IFT88: variants seen among roughly 807,000 people sequenced by gnomAD.
IFT88 encodes intraflagellar transport protein 88 homolog.
In IFT88, 74 loss-of-function variants were observed where a neutral mutation model predicts 119.5. That is an observed-to-expected ratio of 0.62 (90% confidence interval 0.51 to 0.75). The LOEUF (loss-of-function observed/expected upper bound fraction) is 0.75, where lower values mean the gene tolerates loss of function less well. Among genes scored for constraint, IFT88 ranks in the 30% least tolerant of loss-of-function variants. The probability of loss-of-function intolerance (pLI) is 0.00; values close to 1 mark genes in which losing one functional copy is unlikely to be tolerated. For missense variants in IFT88, 961 were observed against 977.7 expected (o/e 0.98, Z 0.23); for synonymous variants, 279 against 316.7 (o/e 0.88, Z 1.26).
intron 20 of IFT88, among the ~76,000 whole-genome samples, chr13:20,652,749 A>G (rs562862858): frequency 5.9e-5 from 9 of 152,364 alleles, no homozygotes; most frequent in Admixed American, 3.9e-4. Context: ...AACATAAATA[A>G]TAATACCACA....
intron 2 of IFT88, among the ~76,000 whole-genome samples, chr13:20,580,946 C>G (rs969049831): frequency 2.0e-5 from 3 of 151,914 alleles, no homozygotes; most frequent in Non-Finnish European, 4.4e-5. Context: ...AGGATGGTCT[C>G]GATCTCCTGA....
chr13:20,573,006 T>G (rs561894195), intron 1 of IFT88, among the ~76,000 whole-genome samples: 1 of 152,240 alleles, frequency 6.6e-6, no homozygotes, highest in African/African-American at 2.4e-5. Context: ...ATCTGGTTTG[T>G]TTCTGATTTT....
chr13:20,659,414 A>G (rs1566391533), intron 22 of IFT88, among the ~76,000 whole-genome samples: 1 of 152,036 alleles, frequency 6.6e-6, no homozygotes, highest in Non-Finnish European at 1.5e-5. Context: ...GGATCGCTTG[A>G]ACCCAGGAGT....
At chr13:20,643,341 A>G in intron 18 of IFT88, 114 bp from the exon 19 acceptor site, 5 of 770,994 alleles carry the variant, frequency 6.5e-6, no homozygotes. Flanking sequence ...AGGAAACAGT[A>G]TACAATAGCA....
At chr13:20,567,413 C>T (rs9550662) in intron 1 of IFT88, among the ~76,000 whole-genome samples, 157 bp downstream of exon 1, 37,261 of 152,244 alleles carry the variant, frequency 0.24, 5,829 homozygotes, top group East Asian at 0.7. Flanking sequence ...CAGATGGACT[C>T]GGCCTGCCCC....
At chr13:20,682,639 A>G (rs1020836432) in intron 24 of IFT88, among the ~76,000 whole-genome samples, 5 of 152,250 alleles carry the variant, frequency 3.3e-5, no homozygotes, top group African/African-American at 9.6e-5. Context: ...ACCTATAATT[A>G]AACCGGCTCG....
chr13:20,591,058 T>A (rs762299604), intron 5 of IFT88, 38 bp downstream of exon 5: 9 of 1,482,880 alleles, frequency 6.1e-6, no homozygotes, highest in Admixed American at 1.9e-5. Flanking sequence ...TGTGCCTTTC[T>A]TGTGACTTGG....
At chr13:20,571,602 A>T (rs2036377757) in intron 1 of IFT88, among the ~76,000 whole-genome samples, 1 of 152,314 alleles carries the variant, frequency 6.6e-6, no homozygotes, top group African/African-American at 2.4e-5. Context: ...GAAATTTTAC[A>T]TTTTTATTTG....
At chr13:20,595,096 CT>C (rs1407436483) in intron 7 of IFT88, among the ~76,000 whole-genome samples, 1 of 152,016 alleles carries the variant, frequency 6.6e-6, no homozygotes, top group Non-Finnish European at 1.5e-5. Flanking sequence ...ACTTCTTCAC[CT>C]CATTAGAAAC....
intron 16 of IFT88, among the ~76,000 whole-genome samples, chr13:20,637,390 G>A (rs1030486242): frequency 2.0e-5 from 3 of 152,188 alleles, no homozygotes; most frequent in Non-Finnish European, 2.9e-5. Flanking sequence ...GAGCCATGGC[G>A]GTGAAGGTGC....
chr13:20,638,735 A>G (rs2049405600), intron 17 of IFT88, among the ~76,000 whole-genome samples: 1 of 152,224 alleles, frequency 6.6e-6, no homozygotes, highest in African/African-American at 2.4e-5. Context: ...CAGGCTTGCC[A>G]TACTGCCCTC....
chr13:20,567,923 C>T, intron 1 of IFT88: 1 of 685,278 alleles, frequency 1.5e-6, no homozygotes, highest in Non-Finnish European at 2.7e-6. Context: ...CCAAGGGTGT[C>T]CAATCTTTGG....
intron 7 of IFT88, among the ~76,000 whole-genome samples, 168 bp downstream of exon 7, chr13:20,592,572 C>T (rs572922485): frequency 1.6e-3 from 249 of 152,118 alleles, no homozygotes; most frequent in African/African-American, 5.2e-3. Context: ...CAGGTTCAAG[C>T]GATTCTTCTG....
At chr13:20,617,116 T>C (rs1406761781) in intron 14 of IFT88, among the ~76,000 whole-genome samples, 1 of 152,124 alleles carries the variant, frequency 6.6e-6, no homozygotes, top group African/African-American at 2.4e-5. Context: ...GCTAATTTTT[T>C]TTTCAGTTTA....
At chr13:20,600,824 C>T (rs74988389) in intron 11 of IFT88, among the ~76,000 whole-genome samples, 1,754 of 152,210 alleles carry the variant, frequency 0.012, 34 homozygotes, top group African/African-American at 0.041. Flanking sequence ...ACATTCATAA[C>T]AATTATTCAT....
chr13:20,587,536 G>A (rs1283399154), intron 3 of IFT88, among the ~76,000 whole-genome samples: 3 of 152,192 alleles, frequency 2.0e-5, no homozygotes, highest in Admixed American at 6.5e-5. Flanking sequence ...GGGATTACAA[G>A]CATGAGCCAC....
intron 13 of IFT88, among the ~76,000 whole-genome samples, chr13:20,608,566 G>A (rs544904480): frequency 7.2e-5 from 11 of 152,310 alleles, no homozygotes; most frequent in African/African-American, 2.6e-4. Context: ...TGTAGACCAT[G>A]GGCTGGCAGT....
At chr13:20,628,945 ATAATG>A (rs1310333739) in intron 15 of IFT88, among the ~76,000 whole-genome samples, 2 of 152,196 alleles carry the variant, frequency 1.3e-5, no homozygotes, top group Non-Finnish European at 2.9e-5. Flanking sequence ...TTCCTTGACT[ATAATG>A]TAAATGGCCG....
rs562658327 is a variant in IFT88, at chr13:20,604,954, T to TCAAAA, written c.1042-65_1042-61dup. On this transcript the variant is annotated intron_variant, in intron 12 of 25. Transcript: ENST00000351808. The stretch of plus-strand genomic sequence containing the variant: ...CTGGGCAATAGAGTGAGGCTGTATC[T>TCAAAA]CAAAACAAAACAAAACAAAAATTAA... 432 of 727,434 alleles carry TCAAAA rather than the reference T, an allele frequency of 5.9e-4. 5 individuals are homozygous for TCAAAA. In the South Asian group the frequency reaches 7.1e-3, roughly 12 times the overall value. 45.1% of individuals were successfully genotyped at this position (727,434 alleles called of 1,614,324 possible).
Sources: gnomAD v4.1 joint callset for allele counts (sites outside exome capture counted in the v4.1 genomes callset) on GRCh38, gnomAD v4.1.1 for gene constraint, MANE v1.5 for transcripts, NCBI Gene and HGNC (gene_info 2026-07-23, HGNC 2026-07-21) for gene names.